DNAH3: variants seen among roughly 807,000 people sequenced by gnomAD.
DNAH3 encodes the protein axonemal beta dynein heavy chain 3.
DNAH3 carries 332 observed loss-of-function variants against 432.5 expected under a neutral mutation model. The ratio of observed to expected loss-of-function variants is 0.77; its 90% CI spans 0.70 to 0.84. The LOEUF (loss-of-function observed/expected upper bound fraction) is 0.84. Among genes scored for constraint, DNAH3 ranks in the 40% least tolerant of loss-of-function variants. DNAH3 has a pLI of 0.00. For missense variants in DNAH3, 4,861 were observed against 5,114.0 expected (o/e 0.95, Z 1.51); for synonymous variants, 1,956 against 1,900.2 (o/e 1.03, Z -0.76).
exon 37 of DNAH3, chr16:21,031,068 T>C: frequency 6.2e-7 from 1 of 1,614,106 alleles, no homozygotes; most frequent in Middle Eastern, 1.6e-4. Flanking sequence ...TCCAGAACAG[T>C]GTTCATATTT....
chr16:21,132,150 C>G (rs1431060378), intron 7 of DNAH3, among the ~76,000 whole-genome samples: 1 of 152,074 alleles, frequency 6.6e-6, no homozygotes, highest in African/African-American at 2.4e-5. Flanking sequence ...GGGCTCTGTC[C>G]TACGTTGACT....
chr16:20,962,734 G>A (rs986377297), intron 53 of DNAH3, among the ~76,000 whole-genome samples: 4 of 152,142 alleles, frequency 2.6e-5, no homozygotes, highest in African/African-American at 9.7e-5. Flanking sequence ...ATAGCTCACT[G>A]CAGCCTTGAC....
intron 18 of DNAH3, 55 bp from the exon 19 acceptor site, chr16:21,087,115 G>A (rs1026918317): frequency 3.2e-5 from 46 of 1,419,382 alleles, no homozygotes; most frequent in Non-Finnish European, 4.2e-5. Context: ...TTAGTCATGC[G>A]TACCTTTAAT....
At chr16:21,128,432 C>T (rs983100725) in intron 7 of DNAH3, among the ~76,000 whole-genome samples, 1 of 151,874 alleles carries the variant, frequency 6.6e-6, no homozygotes, top group Non-Finnish European at 1.5e-5. Context: ...CGGTGGCTCA[C>T]ACCTGTAATC....
chr16:20,965,415 T>C, exon 53 of DNAH3: 1 of 1,519,574 alleles, frequency 6.6e-7, no homozygotes, highest in Non-Finnish European at 8.8e-7. Context: ...AGTAATCTTC[T>C]ATCATCTTAC....
exon 40 of DNAH3, chr16:21,021,999 T>C (rs778486354): frequency 5.6e-6 from 9 of 1,613,868 alleles, no homozygotes; most frequent in Non-Finnish European, 7.6e-6. Context: ...GTCTCATCAT[T>C]GAGAAGGCAA....
intron 1 of DNAH3, among the ~76,000 whole-genome samples, chr16:21,159,009 C>A (rs991959557): frequency 4.6e-5 from 7 of 151,754 alleles, no homozygotes; most frequent in African/African-American, 1.7e-4. Context: ...CCAACACACA[C>A]ACACATACAC....
At chr16:21,119,192 T>C (rs906959016) in intron 11 of DNAH3, among the ~76,000 whole-genome samples, 2 of 152,176 alleles carry the variant, frequency 1.3e-5, no homozygotes, top group Non-Finnish European at 2.9e-5. Context: ...CCCCAGGCCA[T>C]GTGACAGATC....
exon 7 of DNAH3, chr16:21,134,430 A>G (rs1215106726): frequency 2.5e-6 from 4 of 1,613,930 alleles, no homozygotes; most frequent in Admixed American, 3.3e-5. Flanking sequence ...TTTTCTCTCC[A>G]TTGGGTCCAT....
chr16:21,024,617 G>T, exon 39 of DNAH3: 2 of 1,611,826 alleles, frequency 1.2e-6, no homozygotes, highest in South Asian at 2.2e-5. Flanking sequence ...GCTCCTTGGT[G>T]AGACTGGAGG....
chr16:21,024,023 C>T (rs1048206149), intron 39 of DNAH3, among the ~76,000 whole-genome samples: 1 of 152,024 alleles, frequency 6.6e-6, no homozygotes. Flanking sequence ...CCACAGACAC[C>T]GCTACTCCCT....
At chr16:21,137,612 G>T (rs577305844) in intron 5 of DNAH3, among the ~76,000 whole-genome samples, 164 of 151,898 alleles carry the variant, frequency 1.1e-3, no homozygotes, top group Non-Finnish European at 1.4e-3. Context: ...TAGTGGAGAC[G>T]GGGTTTCACC....
chr16:21,025,142 G>A (rs909245276), intron 38 of DNAH3, among the ~76,000 whole-genome samples: 4 of 152,016 alleles, frequency 2.6e-5, no homozygotes, highest in African/African-American at 2.4e-5. Context: ...TAGAGACAGG[G>A]TTGGCCAGGC....
chr16:21,107,400 C>T (rs953550615), intron 14 of DNAH3, among the ~76,000 whole-genome samples: 10 of 151,896 alleles, frequency 6.6e-5, no homozygotes, highest in African/African-American at 1.7e-4. Flanking sequence ...CCACCATACC[C>T]GGCTAATTTT....
chr16:21,144,358 G>C (rs2092756140), intron 3 of DNAH3, among the ~76,000 whole-genome samples: 1 of 152,152 alleles, frequency 6.6e-6, no homozygotes, highest in Non-Finnish European at 1.5e-5. Context: ...CTCGCTCTAA[G>C]GGAAGCCAGA....
At chr16:21,012,229 G>A (rs1318206437) in intron 41 of DNAH3, among the ~76,000 whole-genome samples, 1 of 152,172 alleles carries the variant, frequency 6.6e-6, no homozygotes, top group Non-Finnish European at 1.5e-5. Context: ...AAGAAAAAAG[G>A]AGATGATGGT....
At chr16:21,031,586 A>C (rs1369104829) in intron 36 of DNAH3, among the ~76,000 whole-genome samples, 1 of 151,446 alleles carries the variant, frequency 6.6e-6, no homozygotes, top group African/African-American at 2.4e-5. Flanking sequence ...TGAGCAACAG[A>C]ATGAAGCCGT....
Position 21,021,911 on chromosome 16 carries a change from A to G in DNAH3, c.5776+60T>C, listed in dbSNP as rs144398785. 2.7e-4 allele frequency: 420 copies of G among 1,579,100 alleles called. 1 individual carries two copies. In the East Asian group the frequency reaches 7.2e-3, roughly 27 times the overall value. On this transcript the variant is annotated intron_variant, in intron 40 of 61. Transcript: ENST00000261383. ...GAGTGAGACTTCATCTCAAAAAAAA[A>G]AGAAATAGCCAAGGTAGACCCACCC...
rs544777726 is a variant in DNAH3 at position 21,052,337 on chromosome 16, G to A, written c.4040-469C>T. Among the ~76,000 whole-genome samples, 55 of 152,282 alleles carry A rather than the reference G, an allele frequency of 3.6e-4. 1 individual carries two copies. The South Asian group carries it at 0.011, about 30-fold the overall frequency. On this transcript the variant is annotated intron_variant, in intron 28 of 61. Transcript: ENST00000261383. ...AAGCCTCCTTGCCCACCCCCAACCT[G>A]CAGGCAGCAATATCTGTTAGAAGCT... is the stretch of plus-strand genomic sequence containing the variant.
Sources: gnomAD v4.1 joint callset for allele counts (sites outside exome capture counted in the v4.1 genomes callset) on GRCh38, gnomAD v4.1.1 for gene constraint, MANE v1.5 for transcripts, NCBI Gene and HGNC (gene_info 2026-07-23, HGNC 2026-07-21) for gene names.